The following ZNF618 variants were observed in gnomAD, a reference collection of about 807,000 sequenced individuals.
ZNF618 encodes zinc finger protein 618, also known as neural precursor cell expressed, developmentally down-regulated 10.
A neutral mutation model predicts 103.0 loss-of-function variants in ZNF618; 34 were observed. The ratio of observed to expected loss-of-function variants is 0.33; its 90% confidence interval spans 0.25 to 0.44. ZNF618 has a LOEUF of 0.44. Among genes scored for constraint, ZNF618 ranks in the 20% least tolerant of loss-of-function variants. The pLI, the probability that ZNF618 is intolerant of heterozygous loss-of-function variation, is 1.00. For synonymous variants in ZNF618, 551 were observed against 542.2 expected, an observed-to-expected ratio of 1.02 and a Z score of -0.23; for missense variants, 1,059 against 1,295.4, an observed-to-expected ratio of 0.82 and a Z score of 2.80.
intron 1 of ZNF618, among the ~76,000 whole-genome samples, chr9:113,917,983 C>CT (rs940721114): frequency 6.6e-6 from 1 of 152,134 alleles, no homozygotes; most frequent in African/African-American, 2.4e-5. Flanking sequence ...CATTAATGGT[C>CT]TTTTTTCTGG....
At chr9:113,881,387 T>A (rs941758548) in intron 1 of ZNF618, among the ~76,000 whole-genome samples, 6 of 152,214 alleles carry the variant, frequency 3.9e-5, no homozygotes, top group Non-Finnish European at 8.8e-5. Context: ...ATATAATTTT[T>A]AATTTTCTCA....
At chr9:114,021,731 A>G (rs1241937997) in intron 10 of ZNF618, among the ~76,000 whole-genome samples, 1 of 152,092 alleles carries the variant, frequency 6.6e-6, no homozygotes, top group African/African-American at 2.4e-5. Context: ...TAATTTGCTT[A>G]CCACTTCCCC....
chr9:114,048,050 C>G, intron 14 of ZNF618, 56 bp downstream of exon 14: 1 of 1,410,244 alleles, frequency 7.1e-7, no homozygotes, highest in Non-Finnish European at 9.8e-7. Flanking sequence ...CCAGTTGTTC[C>G]TCTCTGCCCC....
At chr9:114,008,298 G>C in intron 7 of ZNF618, 46 bp from the exon 8 acceptor site, 1 of 1,611,444 alleles carries the variant, frequency 6.2e-7, no homozygotes, top group Admixed American at 1.7e-5. Context: ...CAGGGCTCCT[G>C]TTTGTTTCTT....
At chr9:113,982,046 G>A (rs1442861011) in intron 2 of ZNF618, among the ~76,000 whole-genome samples, 1 of 152,136 alleles carries the variant, frequency 6.6e-6, no homozygotes, top group Admixed American at 6.5e-5. Context: ...AACCTCCCCG[G>A]GCAGAGTCTG....
chr9:114,048,748 T>A lies in ZNF618; in HGVS notation c.1446T>A (p.Gly482=). The A allele has an allele frequency of 3.7e-6, 6 of 1,613,968 alleles. No individual in the cohort carries two copies. The highest frequency in any genetic ancestry group is 5.1e-6 in the Non-Finnish European group (6 of 1,179,894). ...TGAGGGTCATGTGTGCCGACCTGGGTGCACTGAGCGTGGTCAGCGGGAAGG... is the reference window on the plus strand; with the variant it reads ...TGAGGGTCATGTGTGCCGACCTGGGAGCACTGAGCGTGGTCAGCGGGAAGG... ...RLLRVMCADL[G]ALSVVSGKEF... Residue 482 remains glycine, a synonymous_variant, in exon 15 of 15, where the codon GGT becomes GGA. Transcript: ENST00000374126.
intron 3 of ZNF618, 63 bp downstream of exon 3, chr9:113,988,643 G>A (rs924848779): frequency 4.6e-6 from 7 of 1,517,622 alleles, no homozygotes; most frequent in Non-Finnish European, 6.2e-6. Flanking sequence ...TCAGAGTCCT[G>A]GGGAAAAGCG....
intron 9 of ZNF618, among the ~76,000 whole-genome samples, chr9:114,009,424 A>C (rs1045781484): frequency 1.3e-5 from 2 of 152,142 alleles, no homozygotes; most frequent in Non-Finnish European, 2.9e-5. Context: ...GTTTTTACTA[A>C]GTGGAGAAGG....
At chr9:114,042,850 C>T (rs1320264115) in intron 13 of ZNF618, among the ~76,000 whole-genome samples, 2 of 152,102 alleles carry the variant, frequency 1.3e-5, no homozygotes, top group Non-Finnish European at 2.9e-5. Context: ...AATAATATTA[C>T]CATCAACCCA....
intron 6 of ZNF618, among the ~76,000 whole-genome samples, chr9:114,005,632 C>CCAGA (rs1368076802): frequency 6.6e-6 from 1 of 152,166 alleles, no homozygotes; most frequent in East Asian, 1.9e-4. Context: ...CAGTCTGGAA[C>CCAGA]CAGACCCCAG....
intron 1 of ZNF618, among the ~76,000 whole-genome samples, chr9:113,947,884 C>T (rs1242773460): frequency 6.6e-6 from 1 of 152,146 alleles, no homozygotes; most frequent in Admixed American, 6.5e-5. Flanking sequence ...CCACAGCTGC[C>T]TCAGACTTTG....
Position 114,050,180 on chromosome 9 carries a change from G to A in ZNF618, c.*13G>A, listed in dbSNP as rs755179514. 6.6e-7 allele frequency: 1 copy of A among 1,524,406 alleles called. No homozygotes were observed. The highest frequency in any genetic ancestry group is 8.7e-7 in the Non-Finnish European group (1 of 1,145,144). 94.4% of individuals were successfully genotyped at this position (1,524,406 alleles called of 1,614,324 possible). A position where few individuals can be genotyped will look rare whatever the true frequency, so the allele number is the denominator to read the frequency against. ...CAACATGCTTTAAGACTTGACTTCG[G>A]GGGAAAAAAAAAGAAAAAGAGAAGA... On this transcript the variant is annotated 3_prime_UTR_variant, in exon 15 of 15. Transcript: ENST00000374126.
intron 1 of ZNF618, among the ~76,000 whole-genome samples, chr9:113,880,059 A>G (rs1420304139): frequency 6.6e-6 from 1 of 152,100 alleles, no homozygotes; most frequent in Non-Finnish European, 1.5e-5. Flanking sequence ...GTCAGATACA[A>G]TATTTTTCTC....
At chr9:113,877,182 G>C (rs779744428) in intron 1 of ZNF618, among the ~76,000 whole-genome samples, 2 of 151,758 alleles carry the variant, frequency 1.3e-5, no homozygotes, top group Non-Finnish European at 2.9e-5. Context: ...TGAAAATTAA[G>C]CTGGAATTTG....
intron 10 of ZNF618, among the ~76,000 whole-genome samples, chr9:114,023,357 AAC>A (rs1213300167): frequency 3.9e-5 from 6 of 152,084 alleles, no homozygotes; most frequent in African/African-American, 1.2e-4. Context: ...TTTATATCAT[AAC>A]ACATTACATA....
chr9:114,007,468 C>T, intron 7 of ZNF618, 29 bp downstream of exon 7: 1 of 1,606,990 alleles, frequency 6.2e-7, no homozygotes, highest in Non-Finnish European at 8.5e-7. Context: ...TCCCTGGAGT[C>T]ATGCCAAGAG....
intron 1 of ZNF618, among the ~76,000 whole-genome samples, chr9:113,926,703 G>A (rs1451326531): frequency 6.6e-6 from 1 of 152,104 alleles, no homozygotes; most frequent in East Asian, 1.9e-4. Flanking sequence ...AGCACTTTGT[G>A]TATTTTTTAC....
chr9:114,031,948 T>C (rs1452175851), intron 11 of ZNF618, among the ~76,000 whole-genome samples: 2 of 152,210 alleles, frequency 1.3e-5, no homozygotes, highest in African/African-American at 4.8e-5. Flanking sequence ...TTCCACCTGG[T>C]TGGACCCTAT....
intron 1 of ZNF618, among the ~76,000 whole-genome samples, chr9:113,909,354 T>C (rs1291523110): frequency 6.6e-6 from 1 of 151,964 alleles, no homozygotes; most frequent in Admixed American, 6.6e-5. Flanking sequence ...TGGAGTATCG[T>C]GACTGGGACT....
Sources: gnomAD v4.1 joint callset for allele counts (sites outside exome capture counted in the v4.1 genomes callset) on GRCh38, gnomAD v4.1.1 for gene constraint, MANE v1.5 for transcripts, NCBI Gene and HGNC (gene_info 2026-07-23, HGNC 2026-07-21) for gene names.